Variants in CBFA2T2 observed in about 807,000 individuals in gnomAD.
CBFA2T2 encodes the protein protein CBFA2T2.
In CBFA2T2, 11 loss-of-function variants were observed where a neutral mutation model predicts 62.2. The observed-to-expected ratio is 0.18, with a 90% CI of 0.11 to 0.29. The LOEUF (loss-of-function observed/expected upper bound fraction) is 0.29, where lower values mean the gene tolerates loss of function less well. Among genes scored for constraint, CBFA2T2 ranks in the 10% least tolerant of loss-of-function variants. CBFA2T2 has a pLI of 1.00. For synonymous variants in CBFA2T2, 295 were observed against 287.5 expected, an observed-to-expected ratio of 1.03 and a Z score of -0.27; for missense variants, 592 against 774.1, an observed-to-expected ratio of 0.76 and a Z score of 2.79.
intron 1 of CBFA2T2, among the ~76,000 whole-genome samples, chr20:33,600,035 CAG>C (rs1018078070): frequency 2.6e-5 from 4 of 152,144 alleles, no homozygotes; most frequent in African/African-American, 4.8e-5. Flanking sequence ...AGATTTGTGG[CAG>C]AGTTACAAAG....
chr20:33,612,178 C>A (rs1483642775), intron 3 of CBFA2T2, among the ~76,000 whole-genome samples: 1 of 152,204 alleles, frequency 6.6e-6, no homozygotes, highest in Admixed American at 6.5e-5. Flanking sequence ...ATTTTTCTTT[C>A]TTTCTATACT....
chr20:33,551,891 TC>T (rs2146885501), intron 1 of CBFA2T2, among the ~76,000 whole-genome samples: 1 of 152,316 alleles, frequency 6.6e-6, no homozygotes, highest in Non-Finnish European at 1.5e-5. Context: ...GATTTTTTTT[TC>T]CTTTTTCTCT....
chr20:33,540,359 C>T (rs2012380379), intron 1 of CBFA2T2, among the ~76,000 whole-genome samples: 1 of 152,166 alleles, frequency 6.6e-6, no homozygotes, highest in South Asian at 2.1e-4. Context: ...GCCTACTACA[C>T]ACCTAGGATA....
intron 1 of CBFA2T2, among the ~76,000 whole-genome samples, chr20:33,572,889 G>T (rs2013633101): frequency 6.6e-6 from 1 of 152,166 alleles, no homozygotes. Flanking sequence ...ATTTTATAGG[G>T]CATGGCTGGA....
intron 3 of CBFA2T2, among the ~76,000 whole-genome samples, chr20:33,612,746 A>G (rs141460051): frequency 6.6e-6 from 1 of 152,352 alleles, no homozygotes; most frequent in African/African-American, 2.4e-5. Flanking sequence ...TGTAATCCAT[A>G]TAAATTAGAG....
chr20:33,522,380 G>A (rs984776128), intron 1 of CBFA2T2, among the ~76,000 whole-genome samples: 7 of 152,150 alleles, frequency 4.6e-5, no homozygotes, highest in Non-Finnish European at 8.8e-5. Flanking sequence ...CCAATTTAAT[G>A]TAGGGAGCAA....
intron 1 of CBFA2T2, among the ~76,000 whole-genome samples, chr20:33,521,675 T>C (rs1391710198): frequency 1.3e-5 from 2 of 152,136 alleles, no homozygotes; most frequent in Non-Finnish European, 2.9e-5. Context: ...ATACAGCTGG[T>C]GAGACTAAGG....
chr20:33,586,207 C>G (rs746375418), intron 1 of CBFA2T2, among the ~76,000 whole-genome samples: 3 of 152,140 alleles, frequency 2.0e-5, no homozygotes, highest in Non-Finnish European at 4.4e-5. Flanking sequence ...GAGACGGAGT[C>G]TTCCTCTGTC....
chr20:33,539,222 CAA>C (rs1222934578), intron 1 of CBFA2T2, among the ~76,000 whole-genome samples: 1 of 152,148 alleles, frequency 6.6e-6, no homozygotes, highest in Non-Finnish European at 1.5e-5. Context: ...GAGAGTAACA[CAA>C]GAACTTTACA....
chr20:33,514,432 G>T (rs1370747155), intron 1 of CBFA2T2, among the ~76,000 whole-genome samples: 1 of 151,632 alleles, frequency 6.6e-6, no homozygotes, highest in East Asian at 1.9e-4. Context: ...GAGAGGAGCA[G>T]TCCAGGCAAA....
rs558932091 is a variant in CBFA2T2, at chr20:33,518,844, C to T, written c.34+28543C>T. ...TTTCTTTCTCTTCTTTTTTTTGAGACGGAGTCTGGCTCTGTTGCCCAGGCT... is the reference window on the plus strand; with the variant it reads ...TTTCTTTCTCTTCTTTTTTTTGAGATGGAGTCTGGCTCTGTTGCCCAGGCT... On this transcript the variant is annotated intron_variant, in intron 1 of 10. Coordinates refer to ENST00000342704, the MANE Select transcript of CBFA2T2 (RefSeq NM_001032999.3). Among the ~76,000 whole-genome samples the T allele has an allele frequency of 2.0e-3, 305 of 150,344 alleles. 2 individuals are homozygous for T. The highest frequency in any genetic ancestry group is 7.0e-3 in the African/African-American group (286 of 40,958).
chr20:33,520,961 C>G (rs1350704439), intron 1 of CBFA2T2, among the ~76,000 whole-genome samples: 2 of 143,818 alleles, frequency 1.4e-5, no homozygotes, highest in Non-Finnish European at 3.0e-5. Flanking sequence ...CACACACTTT[C>G]ACCTGCCATC....
At chr20:33,618,757 T>G (rs991573874) in intron 3 of CBFA2T2, among the ~76,000 whole-genome samples, 1 of 152,210 alleles carries the variant, frequency 6.6e-6, no homozygotes, top group African/African-American at 2.4e-5. Flanking sequence ...GACACTGGGT[T>G]ACTGAGTCCA....
intron 8 of CBFA2T2, among the ~76,000 whole-genome samples, chr20:33,635,475 C>T (rs953644349): frequency 5.3e-5 from 8 of 152,196 alleles, no homozygotes; most frequent in African/African-American, 1.7e-4. Context: ...GCCCAGTCCA[C>T]GCTGGAACAG....
chr20:33,640,325 T>C lies in CBFA2T2; in HGVS notation c.1298-16T>C, dbSNP rs773593232. On this transcript the variant is annotated splice_polypyrimidine_tract_variant and intron_variant, in intron 9 of 10. Coordinates refer to ENST00000342704, the MANE Select transcript of CBFA2T2 (RefSeq NM_001032999.3). Reference sequence around the variant, plus strand: ...AGATTTCTCGGCCAGTTGATTTTACTGTCACTTTCTTCTAGAAGAAGCTGT... The same window carrying C: ...AGATTTCTCGGCCAGTTGATTTTACCGTCACTTTCTTCTAGAAGAAGCTGT... 1.2e-6 allele frequency: 2 copies of C among 1,604,998 alleles called. No individual in the cohort carries two copies. The highest frequency in any genetic ancestry group is 1.1e-5 in the South Asian group (1 of 90,772).
intron 1 of CBFA2T2, among the ~76,000 whole-genome samples, chr20:33,519,215 A>T (rs2146860041): frequency 6.6e-6 from 1 of 152,304 alleles, no homozygotes; most frequent in African/African-American, 2.4e-5. Flanking sequence ...CATGCTTGTA[A>T]TCCCAGAACT....
chr20:33,637,467 A>T (rs1226097016), intron 9 of CBFA2T2, among the ~76,000 whole-genome samples: 1 of 152,254 alleles, frequency 6.6e-6, no homozygotes, highest in Non-Finnish European at 1.5e-5. Context: ...AAATACAAAT[A>T]AACATATTGC....
At chr20:33,584,171 A>T (rs545646559) in intron 1 of CBFA2T2, among the ~76,000 whole-genome samples, 2 of 149,490 alleles carry the variant, frequency 1.3e-5, no homozygotes, top group East Asian at 3.9e-4. Flanking sequence ...CTGGTCTTGA[A>T]CTCCTGACCT....
chr20:33,601,358 G>C (rs1289363874), intron 1 of CBFA2T2, among the ~76,000 whole-genome samples: 1 of 152,112 alleles, frequency 6.6e-6, no homozygotes, highest in East Asian at 1.9e-4. Context: ...TCTGCCTCTC[G>C]TGTTCAAGCG....
Sources: gnomAD v4.1 joint callset for allele counts (sites outside exome capture counted in the v4.1 genomes callset) on GRCh38, gnomAD v4.1.1 for gene constraint, MANE v1.5 for transcripts, NCBI Gene and HGNC (gene_info 2026-07-23, HGNC 2026-07-21) for gene names.